Variants in PNPLA2 observed in about 807,000 individuals in gnomAD.
The protein encoded by PNPLA2 is patatin like domain 2, triacylglycerol lipase.
Under a neutral mutation model 39.7 loss-of-function variants are expected in PNPLA2, and 28 were observed. The ratio of observed to expected loss-of-function variants is 0.70; its 90% CI spans 0.52 to 0.97. The LOEUF (loss-of-function observed/expected upper bound fraction) is 0.97, where lower values mean the gene tolerates loss of function less well. Among genes scored for constraint, PNPLA2 ranks in the 50% least tolerant of loss-of-function variants. The probability of loss-of-function intolerance (pLI) is 0.00; values close to 1 mark genes in which losing one functional copy is unlikely to be tolerated. For synonymous variants in PNPLA2, 392 were observed against 321.1 expected, an observed-to-expected ratio of 1.22 and a Z score of -2.36; for missense variants, 768 against 698.2, an observed-to-expected ratio of 1.10 and a Z score of -1.13.
rs143992505 is a variant in PNPLA2 at position 821,839 on chromosome 11, C to T, written c.399C>T (p.Asn133=). The part of the protein sequence containing the change: ...DGENVIISHF[N]SKDELIQANV... ...AGAATGTCATTATATCCCACTTCAA[C>T]TCCAAGGACGAGCTCATCCAGGTGG... is the stretch of plus-strand genomic sequence containing the variant. Residue 133 remains asparagine (N), a synonymous_variant, in exon 3 of 10, where the codon AAC becomes AAT. Coordinates refer to ENST00000336615, the MANE Select transcript of PNPLA2 (RefSeq NM_020376.4). 3.7e-4 allele frequency: 605 copies of T among 1,613,926 alleles called. 3 individuals carry two copies. The highest frequency in any genetic ancestry group is 1.1e-3 in the Admixed American group (69 of 60,032).
intron 5 of PNPLA2, among the ~76,000 whole-genome samples, chr11:822,970 G>A (rs1391512854): frequency 6.6e-5 from 10 of 152,034 alleles, no homozygotes; most frequent in African/African-American, 9.7e-5. Context: ...GATTACAGGC[G>A]CCTGCCACCA....
chr11:822,613 T>C lies in PNPLA2; in HGVS notation c.696+7T>C. The C allele has an allele frequency of 6.2e-7, 1 of 1,610,436 alleles. No individual in the cohort carries two copies. Among genetic ancestry groups the C allele is most frequent in the South Asian group, 1.1e-5 (1 of 91,048 alleles). On this transcript the variant is annotated splice_region_variant and intron_variant, in intron 5 of 9. Transcript: ENST00000336615. The stretch of plus-strand genomic sequence containing the variant: ...CTTCCCGCCGGAGCCCCTGGTGAGC[T>C]CTGCTCCGAGGACTGTGGCCTTCCC...
Position 819,636 on chromosome 11 carries a change from G to T in PNPLA2, c.-83G>T. 7.3e-7 allele frequency: 1 copy of T among 1,365,294 alleles called. No homozygotes were observed. The allele number at this position is 1,365,294 out of a possible 1,614,324, so 84.6% of individuals were successfully genotyped here. ...CCGCAGCGGGACCTGCCCGGCCCCC[G>T]GCTCCAGCGAGCGAGCGGCGAGCAG... On this transcript the variant is annotated 5_prime_UTR_variant, in exon 2 of 10. Coordinates refer to ENST00000336615, the MANE Select transcript of PNPLA2 (RefSeq NM_020376.4).
intron 2 of PNPLA2, 38 bp downstream of exon 2, chr11:819,943 G>A: frequency 3.8e-6 from 5 of 1,309,502 alleles, no homozygotes; most frequent in Non-Finnish European, 4.9e-6. Context: ...GGGGCTGGCG[G>A]GAAGGCCGTG....
Position 822,443 on chromosome 11 carries a change from T to C in PNPLA2, c.533T>C (p.Leu178Pro). 1 of 1,614,118 alleles carries C rather than the reference T, an allele frequency of 6.2e-7. No homozygotes were observed. The highest frequency in any genetic ancestry group is 1.1e-5 in the South Asian group (1 of 91,088). Residue 178 changes from leucine to proline, a missense_variant, in exon 5 of 10, where the codon CTT becomes CCT. By Grantham distance (98) the Leu-to-Pro change is moderately conservative. Transcript: ENST00000336615. ...TCAGACAACCTGCCACTCTATGAGC[T>C]TAAGAACACCATCACAGTGTCCCCC... The part of the protein sequence containing the change: ...GISDNLPLYE[L>P]KNTITVSPFS...
rs563099614 is a variant in PNPLA2 at position 825,470 on chromosome 11, G to T, written c.*608G>T. 1 of 151,488 alleles carries T rather than the reference G, an allele frequency of 6.6e-6. No homozygotes were observed. Among genetic ancestry groups the T allele is most frequent in the Non-Finnish European group, 1.5e-5 (1 of 68,334 alleles). 9.4% of individuals were successfully genotyped at this position (151,488 alleles called of 1,614,324 possible). Reference sequence around the variant, plus strand: ...ATGCATCCACACCCCCCCCAATTTTGCCCAGCAGCCTCCTGGCTGACCCTT... The same window carrying T: ...ATGCATCCACACCCCCCCCAATTTTTCCCAGCAGCCTCCTGGCTGACCCTT... On this transcript the variant is annotated 3_prime_UTR_variant, in exon 10 of 10. Transcript: ENST00000336615.
chr11:825,380 C>A lies in PNPLA2; in HGVS notation c.*518C>A. On this transcript the variant is annotated 3_prime_UTR_variant, in exon 10 of 10. Coordinates refer to ENST00000336615, the MANE Select transcript of PNPLA2 (RefSeq NM_020376.4). ...TGGCATTTGGAACCTGCCAGGCTGG[C>A]CTGGGAACACCCCCCTACAGGCACA... 4.7e-6 allele frequency: 1 copy of A among 210,880 alleles called. No individual in the cohort carries two copies. Among genetic ancestry groups the A allele is most frequent in the Non-Finnish European group, 9.6e-6 (1 of 103,790 alleles). The allele number at this position is 210,880 out of a possible 1,614,324, so 13.1% of individuals were successfully genotyped here.
rs1216172366 is a variant in PNPLA2 at position 819,757 on chromosome 11, G to T, written c.39G>T (p.Ala13=). The T allele has an allele frequency of 6.6e-7, 1 of 1,510,770 alleles. No individual in the cohort carries two copies. Among genetic ancestry groups the T allele is most frequent in the Admixed American group, 2.1e-5 (1 of 47,886 alleles). The allele number at this position is 1,510,770 out of a possible 1,614,324, so 93.6% of individuals were successfully genotyped here. The change falls in exon 2 of 10, where the codon GCG becomes GCT. Residue 13 remains alanine, a synonymous_variant. Transcript: ENST00000336615. The part of the protein sequence containing the change: ...PREKTWNISF[A]GCGFLGVYYV... ...AGAAGACGTGGAACATCTCGTTCGC[G>T]GGCTGCGGCTTCCTCGGCGTCTACT...
rs749249536 is a variant in PNPLA2, at chr11:824,742, C to A, written c.1395C>A (p.Ala465=). The A allele has an allele frequency of 6.3e-6, 10 of 1,575,558 alleles. No homozygotes were observed. The African/African-American group carries it at 1.1e-4, about 17-fold the overall frequency. The part of the protein sequence containing the change: ...PPEALRMRAP[A]DPAPAPADPA... ...AAGCTCTGCGCATGCGCGCACCCGC[C>A]GACCCGGCTCCCGCCCCCGCGGACC... Residue 465 remains alanine, a synonymous_variant, in exon 10 of 10, where the codon GCC becomes GCA. Transcript: ENST00000336615.
At position 819,604 on chromosome 11, in the gene PNPLA2, G is replaced by C; in HGVS notation, c.-115G>C. 7.7e-7 allele frequency: 1 copy of C among 1,292,308 alleles called. No individual in the cohort carries two copies. Among genetic ancestry groups the C allele is most frequent in the Non-Finnish European group, 9.9e-7 (1 of 1,007,504 alleles). The allele number at this position is 1,292,308 out of a possible 1,614,324, so 80.1% of individuals were successfully genotyped here. ...TCGCCTCCGCCAGCGGGGACCCCGA[G>C]CTAGAGCCGCAGCGGGACCTGCCCG... is the stretch of plus-strand genomic sequence containing the variant. On this transcript the variant is annotated 5_prime_UTR_variant, in exon 2 of 10. Transcript: ENST00000336615.
At chr11:819,410 G>A (rs897663553) in intron 1 of PNPLA2, 164 bp from the exon 2 acceptor site, 2 of 974,420 alleles carry the variant, frequency 2.1e-6, no homozygotes, top group East Asian at 1.1e-4. Flanking sequence ...TTCTCCGGGC[G>A]GCAGCGGAGG....
chr11:823,800 G>A lies in PNPLA2; in HGVS notation c.864G>A (p.Ser288=), dbSNP rs1190146091. 2.5e-6 allele frequency: 4 copies of A among 1,604,414 alleles called. No individual in the cohort carries two copies. The African/African-American group carries it at 4.0e-5, about 16-fold the overall frequency. ...AVESAQAEDY[S]QLPGEDHILE... ...AGAGCGCCCAAGCGGAGGATTACTC[G>A]CAGCTGCCCGGAGAAGATCACATCC... Residue 288 remains serine (S), a synonymous_variant, in exon 7 of 10, where the codon TCG becomes TCA. Coordinates refer to ENST00000336615, the MANE Select transcript of PNPLA2 (RefSeq NM_020376.4).
chr11:823,922 T>C (rs1845769810), intron 7 of PNPLA2, 67 bp downstream of exon 7: 2 of 1,546,776 alleles, frequency 1.3e-6, no homozygotes, highest in Non-Finnish European at 1.7e-6. Context: ...GAGAGGACGG[T>C]GAGCAGGGGA....
rs750122869 is a variant in PNPLA2 at position 823,687 on chromosome 11, A to C, written c.758-7A>C. 1 of 1,605,186 alleles carries C rather than the reference A, an allele frequency of 6.2e-7. No homozygotes were observed. Among genetic ancestry groups the C allele is most frequent in the African/African-American group, 1.3e-5 (1 of 74,576 alleles). On this transcript the variant is annotated splice_polypyrimidine_tract_variant and splice_region_variant and intron_variant, in intron 6 of 9. Coordinates refer to ENST00000336615, the MANE Select transcript of PNPLA2 (RefSeq NM_020376.4). ...GAACTGAGAATCCCTTCTCTCCCCA[A>C]CCCCAGGCCTCCTGAACCGGCCCAA...
intron 2 of PNPLA2, among the ~76,000 whole-genome samples, chr11:820,455 C>T (rs868793869): frequency 7.2e-5 from 11 of 152,242 alleles, no homozygotes; most frequent in Admixed American, 2.0e-4. Flanking sequence ...ACACGGTGCC[C>T]TGTGGCCTGG....
At chr11:824,257 C>A in intron 8 of PNPLA2, 57 bp from the exon 9 acceptor site, 1 of 1,548,472 alleles carries the variant, frequency 6.5e-7, no homozygotes, top group Non-Finnish European at 8.7e-7. Flanking sequence ...CAGGGCCCGG[C>A]GGGTGGGCAT....
chr11:819,247 G>A, intron 1 of PNPLA2: 1 of 193,538 alleles, frequency 5.2e-6, no homozygotes, highest in Non-Finnish European at 9.5e-6. Context: ...GGGAGGGGCG[G>A]TGGCTGCCCT....
chr11:825,042 C>A lies in PNPLA2; in HGVS notation c.*180C>A. 1.5e-6 allele frequency: 1 copy of A among 651,046 alleles called. No individual in the cohort carries two copies. Among genetic ancestry groups the A allele is most frequent in the Non-Finnish European group, 2.8e-6 (1 of 362,188 alleles). The allele number at this position is 651,046 out of a possible 1,614,324, so 40.3% of individuals were successfully genotyped here. On this transcript the variant is annotated 3_prime_UTR_variant, in exon 10 of 10. Transcript: ENST00000336615. ...CCCCTCCCCTGGGCCGCTGAGGCCC[C>A]GCGCACCTGTGCCTTAATCTTCCCT... is the stretch of plus-strand genomic sequence containing the variant.
chr11:819,776 G>T lies in PNPLA2; in HGVS notation c.58G>T (p.Val20Phe). ...GTTCGCGGGCTGCGGCTTCCTCGGCGTCTACTACGTCGGCGTGGCCTCCTG... is the reference window on the plus strand; with the variant it reads ...GTTCGCGGGCTGCGGCTTCCTCGGCTTCTACTACGTCGGCGTGGCCTCCTG... Reference protein sequence around the residue: ...ISFAGCGFLGVYYVGVASCLR... With the variant: ...ISFAGCGFLGFYYVGVASCLR... The change falls in exon 2 of 10, where the codon GTC becomes TTC. Residue 20 changes from valine to phenylalanine, a missense_variant. By Grantham distance (50) the Val-to-Phe change is conservative (BLOSUM62 -1). Transcript: ENST00000336615. The T allele has an allele frequency of 6.6e-7, 1 of 1,516,568 alleles. No homozygotes were observed. The highest frequency in any genetic ancestry group is 8.8e-7 in the Non-Finnish European group (1 of 1,132,980). The allele number at this position is 1,516,568 out of a possible 1,614,324, so 93.9% of individuals were successfully genotyped here. A position where few individuals can be genotyped will look rare whatever the true frequency, so the allele number is the denominator to read the frequency against.
Sources: gnomAD v4.1 joint callset for allele counts (sites outside exome capture counted in the v4.1 genomes callset) on GRCh38, gnomAD v4.1.1 for gene constraint, MANE v1.5 for transcripts, NCBI Gene and HGNC (gene_info 2026-07-23, HGNC 2026-07-21) for gene names.